The following PDZD2 variants were observed in gnomAD, a reference collection of about 807,000 sequenced individuals.
PDZD2 encodes PDZ domain containing 2.
A neutral mutation model predicts 220.7 loss-of-function variants in PDZD2; 90 were observed. That is an observed-to-expected ratio of 0.41 (90% CI 0.34 to 0.49). The LOEUF (loss-of-function observed/expected upper bound fraction) is 0.49. Ranked by LOEUF, PDZD2 falls within the 20% of genes least tolerant of loss-of-function variation. PDZD2 has a pLI of 0.28. For missense variants in PDZD2, 3,174 were observed against 3,608.5 expected (o/e 0.88, Z 3.08); for synonymous variants, 1,375 against 1,450.5 (o/e 0.95, Z 1.18).
chr5:31,759,502 A>G (rs1751502147), intron 1 of PDZD2, among the ~76,000 whole-genome samples: 1 of 151,406 alleles, frequency 6.6e-6, no homozygotes, highest in Admixed American at 6.6e-5. Context: ...ACAGATACAC[A>G]TACCCAAAAC....
intron 2 of PDZD2, among the ~76,000 whole-genome samples, chr5:31,912,391 A>G (rs1278980941): frequency 6.6e-6 from 1 of 152,058 alleles, no homozygotes; most frequent in Non-Finnish European, 1.5e-5. Flanking sequence ...TCCTAATATC[A>G]TACCTTGGAG....
intron 1 of PDZD2, among the ~76,000 whole-genome samples, chr5:31,685,579 A>G (rs955743649): frequency 4.0e-4 from 61 of 152,206 alleles, no homozygotes; most frequent in Middle Eastern, 3.4e-3. Flanking sequence ...GCTGGAGTGC[A>G]ATGGTGTTTT....
At chr5:32,039,100 C>T (rs1461347321) in intron 7 of PDZD2, among the ~76,000 whole-genome samples, 2 of 40,538 alleles carry the variant, frequency 4.9e-5, no homozygotes, top group African/African-American at 1.1e-4. Context: ...CTCTCTCTCC[C>T]CCTCTCCCCC....
At chr5:32,044,516 G>A (rs1227950796) in intron 7 of PDZD2, among the ~76,000 whole-genome samples, 3 of 152,270 alleles carry the variant, frequency 2.0e-5, no homozygotes, top group Non-Finnish European at 2.9e-5. Context: ...GGAAGCAGGG[G>A]ACAGCGGTCT....
intron 1 of PDZD2, among the ~76,000 whole-genome samples, chr5:31,748,411 A>G (rs1358392883): frequency 6.6e-6 from 1 of 152,154 alleles, no homozygotes; most frequent in Non-Finnish European, 1.5e-5. Flanking sequence ...GGCTGGGGGA[A>G]CCAAATCAGT....
intron 2 of PDZD2, among the ~76,000 whole-genome samples, chr5:31,878,709 C>T (rs1453756836): frequency 2.0e-5 from 3 of 151,592 alleles, no homozygotes; most frequent in Non-Finnish European, 4.4e-5. Flanking sequence ...TACAGGCGCC[C>T]GCCACCTCGC....
intron 6 of PDZD2, among the ~76,000 whole-genome samples, chr5:32,033,910 C>T (rs35822686): frequency 0.14 from 20,812 of 152,084 alleles, 1,505 homozygotes; most frequent in South Asian, 0.17. Context: ...TGAACCACCA[C>T]GTCTGGCTCA....
Position 31,882,269 on chromosome 5 carries a change from G to A in PDZD2, c.476+82545G>A, listed in dbSNP as rs111944150. On this transcript the variant is annotated intron_variant, in intron 2 of 24. Coordinates refer to ENST00000438447, the MANE Select transcript of PDZD2 (RefSeq NM_178140.4). The stretch of plus-strand genomic sequence containing the variant: ...AGCTCAGACTTAGATCCCATAAGTG[G>A]CTCACCTCCTTAAGTTCCCACAGTT... Among the ~76,000 whole-genome samples, 351 of 152,256 alleles carry A rather than the reference G, an allele frequency of 2.3e-3. 1 individual carries two copies. Among genetic ancestry groups the A allele is most frequent in the African/African-American group, 8.1e-3 (335 of 41,546 alleles).
intron 1 of PDZD2, among the ~76,000 whole-genome samples, chr5:31,783,809 T>A (rs995356378): frequency 4.6e-5 from 7 of 152,202 alleles, no homozygotes; most frequent in Non-Finnish European, 8.8e-5. Context: ...TGTGCCTATG[T>A]TGTCTCTAAT....
rs1356821895 is a variant in PDZD2 at position 31,659,230 on chromosome 5, C to T, written c.-361+19793C>T. Among the ~76,000 whole-genome samples the T allele has an allele frequency of 3.3e-5, 5 of 152,260 alleles. No individual in the cohort carries two copies. The East Asian group carries it at 9.7e-4, about 29-fold the overall frequency. ...CTTTTGCAAAACCTTTATTCTCCCTCTACTTTTTTGATTGGTTTCATACTT... is the reference window on the plus strand; with the variant it reads ...CTTTTGCAAAACCTTTATTCTCCCTTTACTTTTTTGATTGGTTTCATACTT... On this transcript the variant is annotated intron_variant, in intron 1 of 24. Coordinates refer to ENST00000438447, the MANE Select transcript of PDZD2 (RefSeq NM_178140.4).
chr5:32,038,993 C>T lies in PDZD2; in HGVS notation c.1519+1651C>T, dbSNP rs377603661. On this transcript the variant is annotated intron_variant, in intron 7 of 24. Coordinates refer to ENST00000438447, the MANE Select transcript of PDZD2 (RefSeq NM_178140.4). ...ACATTCACGTCCCCTTCCGGCCACC[C>T]AGATTGGTGGAGAGGGCATGCCCGC... Among the ~76,000 whole-genome samples the T allele has an allele frequency of 4.6e-5, 7 of 152,336 alleles. No homozygotes were observed. In the South Asian group the frequency reaches 1.2e-3, roughly 27 times the overall value.
intron 2 of PDZD2, among the ~76,000 whole-genome samples, chr5:31,851,119 T>A (rs1364811504): frequency 6.6e-6 from 1 of 152,176 alleles, no homozygotes; most frequent in African/African-American, 2.4e-5. Context: ...CTTCCCCTCA[T>A]AAGTTCTATT....
intron 6 of PDZD2, among the ~76,000 whole-genome samples, chr5:32,030,205 A>T (rs916244346): frequency 6.6e-6 from 1 of 152,226 alleles, no homozygotes; most frequent in African/African-American, 2.4e-5. Context: ...GCCTCTTGGC[A>T]TGGAAGTGCT....
In PDZD2 at chr5:32,101,093, C is replaced by T. The variant is rs371872743; in HGVS notation, c.8219-12C>T. 1 of 1,614,076 alleles carries T rather than the reference C, an allele frequency of 6.2e-7. No individual in the cohort carries two copies. Among genetic ancestry groups the T allele is most frequent in the Non-Finnish European group, 8.5e-7 (1 of 1,179,962 alleles). ...CCTGTCATTTTCATCTTGGTGCACG[C>T]TGCGGCTGCAGGGAGAAGTGTGGCT... On this transcript the variant is annotated splice_polypyrimidine_tract_variant and intron_variant, in intron 23 of 24. Transcript: ENST00000438447.
chr5:31,784,406 A>G (rs1331149351), intron 1 of PDZD2, among the ~76,000 whole-genome samples: 2 of 152,230 alleles, frequency 1.3e-5, no homozygotes, highest in Admixed American at 1.3e-4. Flanking sequence ...TTTCCAAGGT[A>G]AGACATTGTC....
chr5:31,928,741 G>T (rs1327887677), intron 2 of PDZD2, among the ~76,000 whole-genome samples: 1 of 152,082 alleles, frequency 6.6e-6, no homozygotes, highest in Non-Finnish European at 1.5e-5. Flanking sequence ...CAAAGTGTTG[G>T]GATTACAGGC....
chr5:31,817,690 G>A, intron 2 of PDZD2, among the ~76,000 whole-genome samples: 1 of 151,958 alleles, frequency 6.6e-6, no homozygotes, highest in East Asian at 1.9e-4. Context: ...TTGAGACAGA[G>A]TCTCACTGTC....
At chr5:31,975,107 TGAA>T (rs1315107378) in intron 2 of PDZD2, among the ~76,000 whole-genome samples, 1 of 152,252 alleles carries the variant, frequency 6.6e-6, no homozygotes. Context: ...CATTTTGTAA[TGAA>T]GAAGACATAT....
intron 2 of PDZD2, among the ~76,000 whole-genome samples, chr5:31,964,846 G>C (rs1440857811): frequency 6.6e-6 from 1 of 152,162 alleles, no homozygotes; most frequent in Admixed American, 6.5e-5. Flanking sequence ...CTCCCGAGGA[G>C]CTGGGACTAC....
Sources: gnomAD v4.1 joint callset for allele counts (sites outside exome capture counted in the v4.1 genomes callset) on GRCh38, gnomAD v4.1.1 for gene constraint, MANE v1.5 for transcripts, NCBI Gene and HGNC (gene_info 2026-07-23, HGNC 2026-07-21) for gene names.